The following PPP2R5E variants were observed in gnomAD, a reference collection of about 807,000 sequenced individuals.
The protein encoded by PPP2R5E is serine/threonine-protein phosphatase 2A 56 kDa regulatory subunit epsilon isoform.
PPP2R5E carries 4 observed loss-of-function variants against 65.3 expected under a neutral mutation model. The observed-to-expected ratio is 0.06, with a 90% confidence interval of 0.03 to 0.14. The LOEUF (loss-of-function observed/expected upper bound fraction) is 0.14. PPP2R5E is among the 10% of genes least tolerant of loss of function. The pLI is 1.00. For synonymous variants in PPP2R5E, 183 were observed against 187.4 expected, an observed-to-expected ratio of 0.98 and a Z score of 0.19; for missense variants, 274 against 556.1, an observed-to-expected ratio of 0.49 and a Z score of 5.10.
intron 5 of PPP2R5E, among the ~76,000 whole-genome samples, chr14:63,413,728 C>G (rs7141605): frequency 0.27 from 40,861 of 151,964 alleles, 7,289 homozygotes; most frequent in African/African-American, 0.5. Flanking sequence ...ATAAGTTATG[C>G]TTCCCTGGCA....
chr14:63,384,788 C>T (rs994919237), intron 11 of PPP2R5E, among the ~76,000 whole-genome samples: 3 of 152,032 alleles, frequency 2.0e-5, no homozygotes, highest in Admixed American at 6.5e-5. Flanking sequence ...CTCCGCCTCT[C>T]GGGTTCAAGC....
intron 5 of PPP2R5E, among the ~76,000 whole-genome samples, chr14:63,405,125 A>G (rs540690360): frequency 5.3e-5 from 8 of 152,280 alleles, no homozygotes; most frequent in African/African-American, 1.9e-4. Context: ...TTTTTACAAG[A>G]TTTTTGAGTT....
At chr14:63,390,272 T>A (rs1166596987) in intron 10 of PPP2R5E, among the ~76,000 whole-genome samples, 1 of 148,404 alleles carries the variant, frequency 6.7e-6, no homozygotes, top group African/African-American at 2.5e-5. Flanking sequence ...TTCAAACCCA[T>A]AAGCATGCAC....
At position 63,422,104 on chromosome 14, in the gene PPP2R5E, A is replaced by G. The variant is rs1345764447; in HGVS notation, c.355-10T>C. The G allele has an allele frequency of 6.2e-7, 1 of 1,600,884 alleles. No individual in the cohort carries two copies. The highest frequency in any genetic ancestry group is 8.6e-7 in the Non-Finnish European group (1 of 1,168,114). On this transcript the variant is annotated splice_polypyrimidine_tract_variant and intron_variant, in intron 3 of 13. Transcript: ENST00000337537. ...ATATATTGCAAGATACCTAAAAATA[A>G]ACAAGCAGCAGAGTTAACGGGAAGC...
At chr14:63,436,461 C>T (rs1887956479) in intron 3 of PPP2R5E, among the ~76,000 whole-genome samples, 1 of 152,204 alleles carries the variant, frequency 6.6e-6, no homozygotes, top group Non-Finnish European at 1.5e-5. Context: ...TCTATGTGCA[C>T]GTCTCTGTGT....
intron 3 of PPP2R5E, among the ~76,000 whole-genome samples, chr14:63,436,972 G>C (rs995224150): frequency 2.0e-5 from 3 of 152,162 alleles, no homozygotes; most frequent in African/African-American, 7.2e-5. Context: ...GATGAAATAG[G>C]AAGTCAGCAC....
At chr14:63,535,158 C>T (rs991815052) in intron 2 of PPP2R5E, among the ~76,000 whole-genome samples, 30 of 152,132 alleles carry the variant, frequency 2.0e-4, no homozygotes, top group African/African-American at 7.0e-4. Context: ...GGCGCAGTGA[C>T]TGACGCCTGT....
At chr14:63,529,791 T>G (rs1191327451) in intron 2 of PPP2R5E, among the ~76,000 whole-genome samples, 1 of 152,216 alleles carries the variant, frequency 6.6e-6, no homozygotes, top group Non-Finnish European at 1.5e-5. Context: ...GACCACTTCA[T>G]CTTATGAGAA....
chr14:63,375,979 A>G lies in PPP2R5E; in HGVS notation c.*30T>C. The G allele has an allele frequency of 6.9e-7, 1 of 1,447,538 alleles. No individual in the cohort carries two copies. Among genetic ancestry groups the G allele is most frequent in the East Asian group, 2.3e-5 (1 of 43,896 alleles). 89.7% of individuals were successfully genotyped at this position (1,447,538 alleles called of 1,614,324 possible). A position where few individuals can be genotyped will look rare whatever the true frequency, so the allele number is the denominator to read the frequency against. ...CTACTACATAAACGTGTGACTCCACAGGTTAGTAATGTTGTTGTCATTGTT... is the reference window on the plus strand; with the variant it reads ...CTACTACATAAACGTGTGACTCCACGGGTTAGTAATGTTGTTGTCATTGTT... On this transcript the variant is annotated 3_prime_UTR_variant, in exon 14 of 14. Transcript: ENST00000337537.
At chr14:63,528,726 A>G (rs1427841731) in intron 2 of PPP2R5E, among the ~76,000 whole-genome samples, 3 of 152,164 alleles carry the variant, frequency 2.0e-5, no homozygotes, top group Non-Finnish European at 4.4e-5. Flanking sequence ...AAAAAAAAAT[A>G]AACTGTTTAA....
intron 13 of PPP2R5E, among the ~76,000 whole-genome samples, chr14:63,377,651 G>C (rs936870883): frequency 6.6e-6 from 1 of 152,116 alleles, no homozygotes; most frequent in South Asian, 2.1e-4. Context: ...TTAATATCAT[G>C]ATCTAATAGG....
intron 2 of PPP2R5E, among the ~76,000 whole-genome samples, chr14:63,522,521 T>C (rs1892966021): frequency 1.5e-5 from 2 of 131,462 alleles, no homozygotes; most frequent in African/African-American, 5.9e-5. Context: ...CCGGCCGCCA[T>C]CCCATCTAGG....
At chr14:63,410,139 C>T (rs1886317684) in intron 5 of PPP2R5E, among the ~76,000 whole-genome samples, 1 of 152,120 alleles carries the variant, frequency 6.6e-6, no homozygotes, top group Non-Finnish European at 1.5e-5. Flanking sequence ...AAGTTGAAAT[C>T]TCATGGATAC....
intron 4 of PPP2R5E, among the ~76,000 whole-genome samples, chr14:63,419,541 T>C (rs544659463): frequency 6.6e-6 from 1 of 151,668 alleles, no homozygotes; most frequent in East Asian, 2.0e-4. Flanking sequence ...CACCTAACAC[T>C]GAAAATGGAA....
chr14:63,435,612 A>T (rs1887915988), intron 3 of PPP2R5E, among the ~76,000 whole-genome samples: 2 of 152,212 alleles, frequency 1.3e-5, no homozygotes, highest in South Asian at 4.1e-4. Flanking sequence ...CTCGCCATCT[A>T]CAAGATTAAG....
At chr14:63,446,911 A>C (rs1888512018) in intron 3 of PPP2R5E, among the ~76,000 whole-genome samples, 1 of 152,006 alleles carries the variant, frequency 6.6e-6, no homozygotes, top group Non-Finnish European at 1.5e-5. Context: ...AACAAGGTGG[A>C]TAGTCAATGA....
intron 2 of PPP2R5E, among the ~76,000 whole-genome samples, chr14:63,479,644 C>T (rs1455683762): frequency 6.6e-6 from 1 of 152,138 alleles, no homozygotes; most frequent in Non-Finnish European, 1.5e-5. Flanking sequence ...GCACCTAACA[C>T]CATACTGACA....
intron 3 of PPP2R5E, among the ~76,000 whole-genome samples, chr14:63,437,559 AT>A (rs1006787867): frequency 8.6e-5 from 13 of 151,756 alleles, no homozygotes; most frequent in Middle Eastern, 3.4e-3. Context: ...ATTGTCTACA[AT>A]TTTTTTTTAA....
At chr14:63,532,675 T>G (rs904107776) in intron 2 of PPP2R5E, among the ~76,000 whole-genome samples, 8 of 152,258 alleles carry the variant, frequency 5.3e-5, no homozygotes, top group African/African-American at 1.9e-4. Flanking sequence ...TCATCATCAT[T>G]TTACAGACAA....
Sources: gnomAD v4.1 joint callset for allele counts (sites outside exome capture counted in the v4.1 genomes callset) on GRCh38, gnomAD v4.1.1 for gene constraint, MANE v1.5 for transcripts, NCBI Gene and HGNC (gene_info 2026-07-23, HGNC 2026-07-21) for gene names.